JMJD1C: variants seen among roughly 807,000 people sequenced by gnomAD.
The protein encoded by JMJD1C is jumonji domain containing 1C.
In JMJD1C, 31 loss-of-function variants were observed where a neutral mutation model predicts 245.3. That is an observed-to-expected ratio of 0.13 (90% CI 0.09 to 0.17). The LOEUF (loss-of-function observed/expected upper bound fraction) is 0.17. Among genes scored for constraint, JMJD1C ranks in the 10% least tolerant of loss-of-function variants. JMJD1C has a pLI of 1.00. For synonymous variants in JMJD1C, 1,057 were observed against 1,017.4 expected (o/e 1.04, Z -0.74); for missense variants, 2,691 against 3,000.2 (o/e 0.90, Z 2.41).
chr10:63,433,514 T>C (rs1950891623), intron 1 of JMJD1C, among the ~76,000 whole-genome samples: 1 of 151,972 alleles, frequency 6.6e-6, no homozygotes, highest in Non-Finnish European at 1.5e-5. Flanking sequence ...ATGATGATAA[T>C]ATTCATATCT....
chr10:63,180,769 ATTTTT>A (rs11318245), intron 22 of JMJD1C, among the ~76,000 whole-genome samples: 1 of 128,844 alleles, frequency 7.8e-6, no homozygotes. Flanking sequence ...TGCACAGCTA[ATTTTT>A]TTTTTTTTTT....
At chr10:63,232,394 A>T (rs1215951555) in intron 3 of JMJD1C, among the ~76,000 whole-genome samples, 1 of 152,342 alleles carries the variant, frequency 6.6e-6, no homozygotes, top group Non-Finnish European at 1.5e-5. Flanking sequence ...CTTTACAATG[A>T]CAACATAATT....
At chr10:63,350,616 CT>C (rs71025164) in intron 2 of JMJD1C, among the ~76,000 whole-genome samples, 89,474 of 119,262 alleles carry the variant, frequency 0.75, 32,691 homozygotes, top group African/African-American at 0.83. Flanking sequence ...GCAGAACCAA[CT>C]TTTTTTTTTT....
At chr10:63,268,238 A>G (rs1187318035) in intron 2 of JMJD1C, among the ~76,000 whole-genome samples, 1 of 151,740 alleles carries the variant, frequency 6.6e-6, no homozygotes, top group East Asian at 1.9e-4. Context: ...CTACCAAAAA[A>G]AAAAAAAAAA....
chr10:63,437,832 G>A (rs1951142913), intron 1 of JMJD1C, among the ~76,000 whole-genome samples: 1 of 152,148 alleles, frequency 6.6e-6, no homozygotes, highest in South Asian at 2.1e-4. Context: ...AGCAGCATTT[G>A]ACACAACCAG....
In JMJD1C at chr10:63,214,453, C is replaced by T; in HGVS notation, c.1714G>A (p.Val572Met). The T allele has an allele frequency of 6.2e-7, 1 of 1,613,994 alleles. No homozygotes were observed. Among genetic ancestry groups the T allele is most frequent in the Non-Finnish European group, 8.5e-7 (1 of 1,179,988 alleles). ...DQSWVSDVVK[V>M]DLTQSSVTNA... ...GTAACACTTGATTGGGTTAGATCCA[C>T]TTTAACTACATCACTGACCCAGCTC... Residue 572 changes from valine (V) to methionine (M), a missense_variant, in exon 8 of 26, where the codon GTG (valine) becomes ATG (methionine). Coordinates refer to ENST00000399262, the MANE Select transcript of JMJD1C (RefSeq NM_032776.3).
chr10:63,329,520 G>T (rs535296927), intron 2 of JMJD1C, among the ~76,000 whole-genome samples: 1 of 147,876 alleles, frequency 6.8e-6, no homozygotes, highest in Non-Finnish European at 1.5e-5. Flanking sequence ...AGTCAACTGC[G>T]GGGCCAACAC....
intron 1 of JMJD1C, chr10:63,382,853 A>G: frequency 1.5e-5 from 7 of 456,020 alleles, no homozygotes; most frequent in South Asian, 1.1e-4. Flanking sequence ...CTTTTGGCCT[A>G]GCTCAAGTTC....
intron 10 of JMJD1C, 91 bp from the exon 11 acceptor site, chr10:63,200,768 G>A: frequency 9.0e-7 from 1 of 1,117,312 alleles, no homozygotes; most frequent in Non-Finnish European, 1.3e-6. Flanking sequence ...ATACAATTGT[G>A]ATGATACGGT....
intron 13 of JMJD1C, among the ~76,000 whole-genome samples, chr10:63,195,171 T>C (rs1014047460): frequency 3.3e-5 from 5 of 152,246 alleles, no homozygotes; most frequent in Admixed American, 6.5e-5. Flanking sequence ...CTGGCCAACA[T>C]GGTGAAACCC....
chr10:63,347,582 T>TC (rs1943961370), intron 2 of JMJD1C, among the ~76,000 whole-genome samples: 1 of 111,370 alleles, frequency 9.0e-6, no homozygotes, highest in African/African-American at 3.5e-5. Context: ...AGAGTCCATC[T>TC]CAAAAAAAAA....
chr10:63,259,454 C>A (rs1854416912), intron 3 of JMJD1C, among the ~76,000 whole-genome samples: 2 of 152,070 alleles, frequency 1.3e-5, no homozygotes, highest in Non-Finnish European at 2.9e-5. Context: ...ACTCCCTAAA[C>A]TACTGCAAAC....
chr10:63,168,798 A>G (rs1330996085), intron 24 of JMJD1C, among the ~76,000 whole-genome samples: 1 of 152,216 alleles, frequency 6.6e-6, no homozygotes, highest in Non-Finnish European at 1.5e-5. Flanking sequence ...GATAAAAAGA[A>G]AATAACTTTT....
At chr10:63,401,398 T>A (rs1276578955) in intron 1 of JMJD1C, among the ~76,000 whole-genome samples, 1 of 152,132 alleles carries the variant, frequency 6.6e-6, no homozygotes, top group African/African-American at 2.4e-5. Flanking sequence ...TTTGGGTTTC[T>A]TTTTAGATAC....
intron 1 of JMJD1C, among the ~76,000 whole-genome samples, chr10:63,391,361 T>G (rs1684087807): frequency 6.6e-6 from 1 of 151,770 alleles, no homozygotes; most frequent in African/African-American, 2.4e-5. Context: ...ATACAAAAAA[T>G]TAGCTGGGCA....
chr10:63,392,291 T>C (rs1044187582), intron 1 of JMJD1C, among the ~76,000 whole-genome samples: 1 of 152,036 alleles, frequency 6.6e-6, no homozygotes, highest in African/African-American at 2.4e-5. Flanking sequence ...GGGAGAACAC[T>C]TTAGGACACA....
chr10:63,331,660 T>C (rs1942164538), intron 2 of JMJD1C, among the ~76,000 whole-genome samples: 1 of 152,220 alleles, frequency 6.6e-6, no homozygotes, highest in Non-Finnish European at 1.5e-5. Flanking sequence ...TTGCCCAGGC[T>C]GGAGTACAGT....
intron 2 of JMJD1C, among the ~76,000 whole-genome samples, chr10:63,358,495 T>C (rs1047802572): frequency 3.9e-5 from 6 of 151,904 alleles, no homozygotes; most frequent in Non-Finnish European, 8.8e-5. Context: ...GCCTGGGCAA[T>C]ATAGCAAGAT....
intron 17 of JMJD1C, 91 bp from the exon 18 acceptor site, chr10:63,189,537 A>AT: frequency 9.9e-7 from 1 of 1,010,090 alleles, no homozygotes; most frequent in Non-Finnish European, 1.4e-6. Flanking sequence ...TTTAAACAAT[A>AT]TCCCTACACT....
Sources: gnomAD v4.1 joint callset for allele counts (sites outside exome capture counted in the v4.1 genomes callset) on GRCh38, gnomAD v4.1.1 for gene constraint, MANE v1.5 for transcripts, NCBI Gene and HGNC (gene_info 2026-07-23, HGNC 2026-07-21) for gene names.